Variants in GSTK1 observed in about 807,000 individuals in gnomAD.
The protein encoded by GSTK1 is GST class-kappa.
A neutral mutation model predicts 30.9 loss-of-function variants in GSTK1; 25 were observed. The ratio of observed to expected loss-of-function variants is 0.81; its 90% CI spans 0.59 to 1.13. The LOEUF (loss-of-function observed/expected upper bound fraction) is 1.13. Ranked by LOEUF, GSTK1 falls within the 50% of genes most tolerant of loss-of-function variation. GSTK1 has a pLI of 0.00. For missense variants in GSTK1, 292 were observed against 292.4 expected, an observed-to-expected ratio of 1.00 and a Z score of 0.01; for synonymous variants, 108 against 112.5, an observed-to-expected ratio of 0.96 and a Z score of 0.25.
intron 5 of GSTK1, among the ~76,000 whole-genome samples, chr7:143,266,556 T>G (rs1212743341): frequency 6.6e-6 from 1 of 151,998 alleles, no homozygotes; most frequent in Non-Finnish European, 1.5e-5. Context: ...TGGTTGTCAA[T>G]CTTGGCTGTG....
At position 143,268,014 on chromosome 7, in the gene GSTK1, A is replaced by G; in HGVS notation, c.538-77A>G. 9.0e-7 allele frequency: 1 copy of G among 1,105,910 alleles called. No individual in the cohort carries two copies. Among genetic ancestry groups the G allele is most frequent in the East Asian group, 2.4e-5 (1 of 42,400 alleles). The allele number at this position is 1,105,910 out of a possible 1,614,324, so 68.5% of individuals were successfully genotyped here. On this transcript the variant is annotated intron_variant, in intron 6 of 7. Transcript: ENST00000358406. This position sits in a 1 kb window ranked among gnomAD's most constrained non-coding sequence, Gnocchi z 4.1. ...TTTGCTTCTGTGAACTCAGAAAAGTACTGACTCAAAGGTTTCAACCCCTGC... is the reference window on the plus strand; with the variant it reads ...TTTGCTTCTGTGAACTCAGAAAAGTGCTGACTCAAAGGTTTCAACCCCTGC...
chr7:143,267,544 A>C, intron 5 of GSTK1, 73 bp from the exon 6 acceptor site: 1 of 1,184,870 alleles, frequency 8.4e-7, no homozygotes, highest in Non-Finnish European at 1.2e-6. Context: ...AAATAAAAAG[A>C]CCAGAGTTTT....
In GSTK1 at chr7:143,268,703, A is replaced by G; in HGVS notation, c.632-85A>G. On this transcript the variant is annotated intron_variant, in intron 7 of 7. Coordinates refer to ENST00000358406, the MANE Select transcript of GSTK1 (RefSeq NM_015917.3). The surrounding 1 kb of genome is among the most constrained non-coding windows in gnomAD (Gnocchi z 4.1). ...TGAAGCCAAGCAAAAGTCTTTCTAG[A>G]AAACCCCTGGGACCTTGTGGGACCA... 6 of 1,240,112 alleles carry G rather than the reference A, an allele frequency of 4.8e-6. No individual in the cohort carries two copies. The highest frequency in any genetic ancestry group is 3.7e-5 in the South Asian group (3 of 81,822). The allele number at this position is 1,240,112 out of a possible 1,614,324, so 76.8% of individuals were successfully genotyped here.
In GSTK1 at chr7:143,269,074, C is replaced by T. The variant is rs1283675559; in HGVS notation, c.*237C>T. On this transcript the variant is annotated 3_prime_UTR_variant, in exon 8 of 8. Coordinates refer to ENST00000358406, the MANE Select transcript of GSTK1 (RefSeq NM_015917.3). ...AAGTGCCTTTCAGAGAGCCCCAATT[C>T]TGCTTTCCCACAAAATAAACCTAAT... 5.4e-6 allele frequency: 3 copies of T among 558,658 alleles called. No individual in the cohort carries two copies. The highest frequency in any genetic ancestry group is 1.9e-5 in the African/African-American group (1 of 52,920). The allele number at this position is 558,658 out of a possible 1,614,324, so 34.6% of individuals were successfully genotyped here.
Position 143,263,574 on chromosome 7 carries a change from C to G in GSTK1, c.61C>G (p.Leu21Val). 1 of 1,609,638 alleles carries G rather than the reference C, an allele frequency of 6.2e-7. No homozygotes were observed. The highest frequency in any genetic ancestry group is 8.5e-7 in the Non-Finnish European group (1 of 1,179,964). The change falls in exon 1 of 8, where the codon CTG (leucine) becomes GTG (valine). Residue 21 changes from leucine to valine, a missense_variant. Transcript: ENST00000358406. ...FYDVLSPYSW[L>V]GFEILCRYQN... is the part of the protein sequence containing the mutation. Reference sequence around the variant, plus strand: ...TGACGTGCTGTCCCCCTACTCCTGGCTGGGCTTCGAGGTGACGCTGGGAGG... The same window carrying G: ...TGACGTGCTGTCCCCCTACTCCTGGGTGGGCTTCGAGGTGACGCTGGGAGG...
chr7:143,264,895 G>A lies in GSTK1; in HGVS notation c.284-97G>A, dbSNP rs143879685. Reference sequence around the variant, plus strand: ...GAACCTTGGGTGAGAGGCTGAGGGCGGAGGAGCTCTGGGGGATGTCAGAAG... The same window carrying A: ...GAACCTTGGGTGAGAGGCTGAGGGCAGAGGAGCTCTGGGGGATGTCAGAAG... On this transcript the variant is annotated intron_variant, in intron 3 of 7. Coordinates refer to ENST00000358406, the MANE Select transcript of GSTK1 (RefSeq NM_015917.3). 321 of 1,375,498 alleles carry A rather than the reference G, an allele frequency of 2.3e-4. 1 individual carries two copies. In the East Asian group the frequency reaches 6.9e-3, roughly 29 times the overall value. The allele number at this position is 1,375,498 out of a possible 1,614,324, so 85.2% of individuals were successfully genotyped here. A position where few individuals can be genotyped will look rare whatever the true frequency, so the allele number is the denominator to read the frequency against.
intron 6 of GSTK1, 80 bp downstream of exon 6, chr7:143,267,813 C>T: frequency 1.0e-6 from 1 of 989,466 alleles, no homozygotes; most frequent in Non-Finnish European, 1.6e-6. Flanking sequence ...AGTCCTTATG[C>T]TCCTGTACAA....
intron 2 of GSTK1, 39 bp downstream of exon 2, chr7:143,264,206 C>T: frequency 1.3e-6 from 2 of 1,546,842 alleles, no homozygotes; most frequent in East Asian, 2.2e-5. Flanking sequence ...ATCTCAGTGG[C>T]CCAAGAGAGC....
In GSTK1 at chr7:143,264,184, G is replaced by A. The variant is rs1800801544; in HGVS notation, c.154+17G>A. 2 of 1,609,172 alleles carry A rather than the reference G, an allele frequency of 1.2e-6. No individual in the cohort carries two copies. The highest frequency in any genetic ancestry group is 2.2e-5 in the South Asian group (2 of 90,950). On this transcript the variant is annotated intron_variant, in intron 2 of 7. Coordinates refer to ENST00000358406, the MANE Select transcript of GSTK1 (RefSeq NM_015917.3). ...AAGACAGTGGTAGGAAGGGAGGGTC[G>A]GGGCAGGGGTGATCTCAGTGGCCCA...
rs1800940034 is a variant in GSTK1 at position 143,268,241 on chromosome 7, C to G, written c.631+57C>G. ...GGTGCAGTGGCTCACGCCTGTAATC[C>G]CAGCACTTTGGTAGGCTGAGGCGAG... On this transcript the variant is annotated intron_variant, in intron 7 of 7. Transcript: ENST00000358406. The surrounding 1 kb of genome is among the most constrained non-coding windows in gnomAD (Gnocchi z 4.1). 1 of 1,380,092 alleles carries G rather than the reference C, an allele frequency of 7.2e-7. No individual in the cohort carries two copies. Among genetic ancestry groups the G allele is most frequent in the African/African-American group, 1.4e-5 (1 of 70,130 alleles). 85.5% of individuals were successfully genotyped at this position (1,380,092 alleles called of 1,614,324 possible).
rs1266251133 is a variant in GSTK1, at chr7:143,265,280, C to G, written c.404C>G (p.Pro135Arg). The G allele has an allele frequency of 2.5e-6, 4 of 1,603,924 alleles. No homozygotes were observed. Among genetic ancestry groups the G allele is most frequent in the South Asian group, 1.1e-5 (1 of 89,054 alleles). ...TCCCAGAATGAAGACATCACCGAGC[C>G]GCAGAGCATCCTGGCGGTGAGTGTC... ...VWSRNEDITE[P>R]QSILAAAEKA... The change falls in exon 5 of 8, where the codon CCG (proline) becomes CGG (arginine). Residue 135 changes from proline (P) to arginine (R), a missense_variant. Transcript: ENST00000358406.
At chr7:143,266,621 G>T (rs1365557342) in intron 5 of GSTK1, among the ~76,000 whole-genome samples, 2 of 127,982 alleles carry the variant, frequency 1.6e-5, no homozygotes, top group African/African-American at 2.9e-5. Context: ...GAATTGTGAT[G>T]TAATTGTTCT....
chr7:143,263,621 G>A, intron 1 of GSTK1, 36 bp downstream of exon 1: 1 of 1,582,306 alleles, frequency 6.3e-7, no homozygotes. Flanking sequence ...CAGTGTCTGG[G>A]GAGTGAGGGC....
chr7:143,264,083 C>G lies in GSTK1; in HGVS notation c.73-3C>G, dbSNP rs1800797081. The G allele has an allele frequency of 6.2e-7, 1 of 1,613,922 alleles. No homozygotes were observed. Among genetic ancestry groups the G allele is most frequent in the African/African-American group, 1.3e-5 (1 of 75,038 alleles). On this transcript the variant is annotated splice_polypyrimidine_tract_variant and splice_region_variant and intron_variant, in intron 1 of 7. Transcript: ENST00000358406. ...GGCAATCGTTCTTGACCTCTGCCCG[C>G]AGATCCTGTGCCGGTATCAGAATAT...
In GSTK1 at chr7:143,269,005, C is replaced by T. The variant is rs1311641838; in HGVS notation, c.*168C>T. 22 of 660,958 alleles carry T rather than the reference C, an allele frequency of 3.3e-5. No homozygotes were observed. Among genetic ancestry groups the T allele is most frequent in the South Asian group, 8.6e-5 (5 of 58,250 alleles). The allele number at this position is 660,958 out of a possible 1,614,324, so 40.9% of individuals were successfully genotyped here. A position where few individuals can be genotyped will look rare whatever the true frequency, so the allele number is the denominator to read the frequency against. On this transcript the variant is annotated 3_prime_UTR_variant, in exon 8 of 8. Transcript: ENST00000358406. ...CCTACCCCCAAGGATGCCAGGAAGACGTCCACCATTAGCCATGTGGCAACC... is the reference window on the plus strand; with the variant it reads ...CCTACCCCCAAGGATGCCAGGAAGATGTCCACCATTAGCCATGTGGCAACC...
At chr7:143,264,393 G>A (rs1800808306) in intron 2 of GSTK1, 155 bp from the exon 3 acceptor site, 1 of 846,174 alleles carries the variant, frequency 1.2e-6, no homozygotes, top group East Asian at 2.4e-5. Context: ...GCGGTGAGCT[G>A]AGATCGCACC....
intron 5 of GSTK1, 107 bp from the exon 6 acceptor site, chr7:143,267,510 T>C (rs528021223): frequency 3.7e-6 from 3 of 821,866 alleles, no homozygotes; most frequent in Admixed American, 1.9e-5. Context: ...GGTAAGGGCA[T>C]TGCCAGCAAA....
chr7:143,268,740 C>T lies in GSTK1; in HGVS notation c.632-48C>T. 1 of 1,580,578 alleles carries T rather than the reference C, an allele frequency of 6.3e-7. No individual in the cohort carries two copies. The highest frequency in any genetic ancestry group is 1.1e-5 in the South Asian group (1 of 90,408). On this transcript the variant is annotated intron_variant, in intron 7 of 7. Coordinates refer to ENST00000358406, the MANE Select transcript of GSTK1 (RefSeq NM_015917.3). The surrounding 1 kb of genome is among the most constrained non-coding windows in gnomAD (Gnocchi z 4.1). ...ACCTTGTGGGACCAACTCCTGCTGCCAGAACACCTGAGAACAGTGTGCAGA... is the reference window on the plus strand; with the variant it reads ...ACCTTGTGGGACCAACTCCTGCTGCTAGAACACCTGAGAACAGTGTGCAGA...
Position 143,268,745 on chromosome 7 carries a change from C to T in GSTK1, c.632-43C>T. ...GTGGGACCAACTCCTGCTGCCAGAA[C>T]ACCTGAGAACAGTGTGCAGAGTCTG... On this transcript the variant is annotated intron_variant, in intron 7 of 7. Coordinates refer to ENST00000358406, the MANE Select transcript of GSTK1 (RefSeq NM_015917.3). The surrounding 1 kb of genome is among the most constrained non-coding windows in gnomAD (Gnocchi z 4.1). The T allele has an allele frequency of 6.3e-7, 1 of 1,588,666 alleles. No individual in the cohort carries two copies. The highest frequency in any genetic ancestry group is 8.6e-7 in the Non-Finnish European group (1 of 1,157,076).
Sources: allele counts gnomAD v4.1 joint callset (sites outside exome capture counted in the v4.1 genomes callset), GRCh38; gene constraint gnomAD v4.1.1; non-coding constraint Gnocchi (gnomAD v3.1); transcripts MANE v1.5; gene names NCBI Gene and HGNC (gene_info 2026-07-23, HGNC 2026-07-21).